Variants in PEAK1 observed in about 807,000 individuals in gnomAD.
PEAK1 encodes the protein pseudopodium enriched atypical kinase 1.
In PEAK1, 54 loss-of-function variants were observed where a neutral mutation model predicts 124.7. The ratio of observed to expected loss-of-function variants is 0.43; its 90% confidence interval spans 0.35 to 0.54. PEAK1 has a LOEUF of 0.54. PEAK1 is among the 20% of genes least tolerant of loss of function. The pLI is 0.01. For synonymous variants in PEAK1, 719 were observed against 760.0 expected (o/e 0.95, Z 0.89); for missense variants, 2,046 against 2,134.5 (o/e 0.96, Z 0.82).
Position 77,114,525 on chromosome 15 carries a change from G to T in PEAK1, c.4872C>A (p.Asp1624Glu), listed in dbSNP as rs1364350394. 1 of 1,614,024 alleles carries T rather than the reference G, an allele frequency of 6.2e-7. No individual in the cohort carries two copies. Among genetic ancestry groups the T allele is most frequent in the African/African-American group, 1.3e-5 (1 of 74,922 alleles). ...ELKEREYTRADLPRIPFRSPY... is the reference protein window; with the variant it reads ...ELKEREYTRAELPRIPFRSPY... ...GGGAGCGGAATGGGATGCGAGGCAG[G>T]TCTGCTCGTGTGTATTCCCTCTCCT... The change falls in exon 10 of 10, where the codon GAC becomes GAA. Residue 1624 changes from aspartate (D) to glutamate (E), a missense_variant. Transcript: ENST00000682557.
Position 77,133,117 on chromosome 15 carries a change from T to C in PEAK1, c.3965A>G (p.Asp1322Gly), listed in dbSNP as rs1302104314. 1 of 1,614,230 alleles carries C rather than the reference T, an allele frequency of 6.2e-7. No homozygotes were observed. ...GGTTAGCCTGAAGTCTGACCAGCTG[T>C]CCACTCCAAAACGGAGCTGGTCTTT... is the stretch of plus-strand genomic sequence containing the variant. ...GQKDQLRFGV[D>G]SWSDFRLTSD... Residue 1322 changes from aspartate to glycine, a missense_variant, in exon 9 of 10, where the codon GAC becomes GGC. Physicochemically the swap from Asp to Gly is moderately conservative, Grantham distance 94. Transcript: ENST00000682557. The surrounding 1 kb of genome is among the most constrained non-coding windows in gnomAD (Gnocchi z 4.2).
chr15:77,328,544 G>A (rs1343520505), intron 2 of PEAK1, among the ~76,000 whole-genome samples: 1 of 152,098 alleles, frequency 6.6e-6, no homozygotes, highest in African/African-American at 2.4e-5. Context: ...AATACTTATT[G>A]GCTGCCTACC....
intron 6 of PEAK1, among the ~76,000 whole-genome samples, chr15:77,224,416 T>C (rs2059537225): frequency 6.6e-6 from 1 of 152,058 alleles, no homozygotes; most frequent in Admixed American, 6.6e-5. Context: ...ATGGTGCCTT[T>C]CTTTCTGTGC....
rs1427639060 is a variant in PEAK1, at chr15:77,275,593, G to A, written c.-275+8290C>T. Among the ~76,000 whole-genome samples, 9 of 152,164 alleles carry A rather than the reference G, an allele frequency of 5.9e-5. No homozygotes were observed. The East Asian group carries it at 1.5e-3, about 26-fold the overall frequency. ...TAGATGGGTGTGATGGTGCGTGCCT[G>A]TAATCCCAGCTACTCAGGAGGCTGA... is the stretch of plus-strand genomic sequence containing the variant. On this transcript the variant is annotated intron_variant, in intron 5 of 9. Transcript: ENST00000682557.
Position 77,403,924 on chromosome 15 carries a change from CA to C in PEAK1, c.-666+16081del. On this transcript the variant is annotated intron_variant, in intron 1 of 9. Transcript: ENST00000682557. ...TTTTTTAATTTCCAACTTTTAGGTT[CA>C]GGGGATACATTTACAAGTTTGTTGC... is the stretch of plus-strand genomic sequence containing the variant. The C allele has an allele frequency of 4.1e-6, 4 of 977,538 alleles. No homozygotes were observed. In the South Asian group the frequency reaches 1.4e-4, roughly 35 times the overall value. 60.6% of individuals were successfully genotyped at this position (977,538 alleles called of 1,614,324 possible).
chr15:77,393,965 A>G (rs1192650628), intron 1 of PEAK1, among the ~76,000 whole-genome samples: 1 of 152,198 alleles, frequency 6.6e-6, no homozygotes, highest in East Asian at 1.9e-4. Flanking sequence ...CTTGGGCCTG[A>G]GTGAACATCA....
intron 8 of PEAK1, among the ~76,000 whole-genome samples, chr15:77,140,690 C>A (rs564954488): frequency 6.6e-6 from 1 of 151,560 alleles, no homozygotes; most frequent in Non-Finnish European, 1.5e-5. Context: ...AGGAACAAGA[C>A]AAGGATTTGC....
chr15:77,331,728 T>G (rs1245284214), intron 2 of PEAK1, among the ~76,000 whole-genome samples: 1 of 151,816 alleles, frequency 6.6e-6, no homozygotes, highest in Non-Finnish European at 1.5e-5. Flanking sequence ...GCAATTCTCC[T>G]GCCTCAGCCT....
At chr15:77,312,155 TG>T (rs1440431431) in intron 2 of PEAK1, among the ~76,000 whole-genome samples, 1 of 152,194 alleles carries the variant, frequency 6.6e-6, no homozygotes, top group Admixed American at 6.5e-5. Flanking sequence ...GTACTACTCC[TG>T]GGTTTCTGTT....
At chr15:77,349,129 T>G (rs936818848) in intron 2 of PEAK1, 16 of 557,324 alleles carry the variant, frequency 2.9e-5, no homozygotes, top group Non-Finnish European at 3.6e-5. Flanking sequence ...AACCTCCACC[T>G]CCTGGGTTCA....
At position 77,286,495 on chromosome 15, in the gene PEAK1, T is replaced by G. The variant is rs1276904824; in HGVS notation, c.-593A>C. 8.2e-7 allele frequency: 1 copy of G among 1,226,986 alleles called. No homozygotes were observed. Among genetic ancestry groups the G allele is most frequent in the Non-Finnish European group, 1.0e-6 (1 of 983,936 alleles). 76.0% of individuals were successfully genotyped at this position (1,226,986 alleles called of 1,614,324 possible). On this transcript the variant is annotated 5_prime_UTR_variant, in exon 3 of 10. Coordinates refer to ENST00000682557, the MANE Select transcript of PEAK1 (RefSeq NM_001385026.1). ...TCTTTCCTTACAAATGGATCTCAAG[T>G]ATTCTTTTCCTATTAGAAGATGCAA...
chr15:77,348,667 A>G, intron 2 of PEAK1: 4 of 985,416 alleles, frequency 4.1e-6, no homozygotes, highest in Non-Finnish European at 4.8e-6. Context: ...ATAAGATCCA[A>G]TTGATGTCCA....
At chr15:77,310,999 G>T (rs944348520) in intron 2 of PEAK1, among the ~76,000 whole-genome samples, 2 of 152,148 alleles carry the variant, frequency 1.3e-5, no homozygotes, top group African/African-American at 4.8e-5. Flanking sequence ...GGAAACCAGA[G>T]AACATTTTTT....
intron 5 of PEAK1, among the ~76,000 whole-genome samples, chr15:77,265,229 G>A (rs879922722): frequency 9.9e-5 from 15 of 152,032 alleles, no homozygotes; most frequent in Non-Finnish European, 2.1e-4. Flanking sequence ...CAAAAGCAAT[G>A]GCAACAAAAG....
rs540351889 is a variant in PEAK1, at chr15:77,269,968, T to C, written c.-275+13915A>G. 1.4e-4 allele frequency among the ~76,000 whole-genome samples: 21 copies of C among 152,328 alleles called. No individual in the cohort carries two copies. In the South Asian group the frequency reaches 3.9e-3, roughly 29 times the overall value. On this transcript the variant is annotated intron_variant, in intron 5 of 9. Transcript: ENST00000682557. Reference sequence around the variant, plus strand: ...AGGAGCAGGCTGTTCAGTTTCCATGTAGTTGAGCGGTTTTGAGTGAGTTTC... The same window carrying C: ...AGGAGCAGGCTGTTCAGTTTCCATGCAGTTGAGCGGTTTTGAGTGAGTTTC...
intron 1 of PEAK1, among the ~76,000 whole-genome samples, chr15:77,396,875 A>G (rs988598363): frequency 6.6e-6 from 1 of 152,204 alleles, no homozygotes; most frequent in Non-Finnish European, 1.5e-5. Flanking sequence ...ATAGTTGGAA[A>G]CTTCAGCATC....
intron 6 of PEAK1, among the ~76,000 whole-genome samples, chr15:77,198,325 T>C (rs1346050146): frequency 6.6e-6 from 1 of 152,222 alleles, no homozygotes; most frequent in Non-Finnish European, 1.5e-5. Context: ...TCATATCATG[T>C]TTATTTTTAG....
At chr15:77,320,863 T>C (rs190668089) in intron 2 of PEAK1, among the ~76,000 whole-genome samples, 1 of 151,098 alleles carries the variant, frequency 6.6e-6, no homozygotes, top group Non-Finnish European at 1.5e-5. Flanking sequence ...CCTGTGTCCA[T>C]GTGTTCTCAT....
chr15:77,329,115 C>T (rs183306389), intron 2 of PEAK1, among the ~76,000 whole-genome samples: 2 of 152,120 alleles, frequency 1.3e-5, no homozygotes, highest in African/African-American at 2.4e-5. Context: ...ATACAACCAA[C>T]AGGCCATGAA....
Sources: allele counts gnomAD v4.1 joint callset (sites outside exome capture counted in the v4.1 genomes callset), GRCh38; gene constraint gnomAD v4.1.1; non-coding constraint Gnocchi (gnomAD v3.1); transcripts MANE v1.5; gene names NCBI Gene and HGNC (gene_info 2026-07-23, HGNC 2026-07-21).